Variants in ZNF107 observed in about 807,000 individuals in gnomAD.
The protein encoded by ZNF107 is zinc finger protein 107, also known as C2H2 type zinc-finger protein.
ZNF107 carries 19 observed loss-of-function variants against 12.3 expected under a neutral mutation model. The ratio of observed to expected loss-of-function variants is 1.55; its 90% CI spans 1.08 to 2.27. The LOEUF (loss-of-function observed/expected upper bound fraction) is 2.27. Among genes scored for constraint, ZNF107 ranks in the 30% most tolerant of loss-of-function variants. ZNF107 has a pLI of 0.00. For missense variants in ZNF107, 958 were observed against 979.9 expected (o/e 0.98, Z 0.30); for synonymous variants, 317 against 330.5 (o/e 0.96, Z 0.44).
intron 1 of ZNF107, among the ~76,000 whole-genome samples, chr7:64,670,002 C>T (rs1789162313): frequency 6.6e-6 from 1 of 152,142 alleles, no homozygotes; most frequent in Admixed American, 6.5e-5. Flanking sequence ...CTCCCCTGCT[C>T]ACCCCAGCCA....
At chr7:64,669,015 T>G (rs1248209069) in intron 1 of ZNF107, 1 of 123,906 alleles carries the variant, frequency 8.1e-6, no homozygotes, top group Non-Finnish European at 1.7e-5. Flanking sequence ...TTTTTTTTTT[T>G]TTTTTTTTTT....
At chr7:64,704,692 C>T (rs577800126) in intron 3 of ZNF107, among the ~76,000 whole-genome samples, 17 of 152,048 alleles carry the variant, frequency 1.1e-4, no homozygotes, top group Non-Finnish European at 1.8e-4. Flanking sequence ...TTATTTATTT[C>T]GAGATGGAGT....
In ZNF107 at chr7:64,711,055, T is replaced by C. The variant is rs1445012862; in HGVS notation, c.*2399T>C. The C allele has an allele frequency of 6.6e-6, 1 of 152,168 alleles. No homozygotes were observed. The highest frequency in any genetic ancestry group is 2.4e-5 in the African/African-American group (1 of 41,460). The allele number at this position is 152,168 out of a possible 1,614,324, so 9.4% of individuals were successfully genotyped here. On this transcript the variant is annotated 3_prime_UTR_variant, in exon 4 of 4. Coordinates refer to ENST00000620827, the MANE Select transcript of ZNF107 (RefSeq NM_001282359.2). Reference sequence around the variant, plus strand: ...TTGGATTATGCGTGAACTTAGTTTTTTAATTAAACTTTTTTTAACATGTTA... The same window carrying C: ...TTGGATTATGCGTGAACTTAGTTTTCTAATTAAACTTTTTTTAACATGTTA...
At chr7:64,703,925 GT>G (rs1790556451) in intron 3 of ZNF107, among the ~76,000 whole-genome samples, 1 of 148,616 alleles carries the variant, frequency 6.7e-6, no homozygotes, top group African/African-American at 2.5e-5. Context: ...TTCTTATTTG[GT>G]TTTGTATATC....
In ZNF107 at chr7:64,708,903, T is replaced by A; in HGVS notation, c.*247T>A. On this transcript the variant is annotated 3_prime_UTR_variant, in exon 4 of 4. Transcript: ENST00000620827. ...CAAATGTGAAAAATGTGGCAAATCCTTTAACTGATCCTCAACTTTTACTAA... is the reference window on the plus strand; with the variant it reads ...CAAATGTGAAAAATGTGGCAAATCCATTAACTGATCCTCAACTTTTACTAA... 1.7e-6 allele frequency: 1 copy of A among 582,584 alleles called. No individual in the cohort carries two copies. The highest frequency in any genetic ancestry group is 3.1e-6 in the Non-Finnish European group (1 of 324,908). 36.1% of individuals were successfully genotyped at this position (582,584 alleles called of 1,614,324 possible).
At chr7:64,690,891 G>A (rs1790094727) in intron 1 of ZNF107, among the ~76,000 whole-genome samples, 1 of 152,060 alleles carries the variant, frequency 6.6e-6, no homozygotes, top group African/African-American at 2.4e-5. Context: ...ACAGACATGT[G>A]CCACTGCACC....
At chr7:64,676,843 C>T (rs892442325) in intron 1 of ZNF107, among the ~76,000 whole-genome samples, 1 of 152,114 alleles carries the variant, frequency 6.6e-6, no homozygotes, top group Non-Finnish European at 1.5e-5. Context: ...TGTTCCTCTG[C>T]CCCATTTTGT....
At chr7:64,673,671 T>C (rs921527466) in intron 1 of ZNF107, among the ~76,000 whole-genome samples, 3 of 152,276 alleles carry the variant, frequency 2.0e-5, no homozygotes, top group African/African-American at 7.2e-5. Flanking sequence ...TGGTATTTCC[T>C]AGGTTAGTCT....
At chr7:64,678,825 A>C (rs1479457970) in intron 1 of ZNF107, 1 of 152,158 alleles carries the variant, frequency 6.6e-6, no homozygotes, top group Non-Finnish European at 1.5e-5. Context: ...CTAAATTGGA[A>C]TGCTGCTATT....
chr7:64,670,395 G>T (rs9638385), intron 1 of ZNF107, among the ~76,000 whole-genome samples: 7,283 of 152,114 alleles, frequency 0.048, 465 homozygotes, highest in African/African-American at 0.14. Context: ...AAGTCATCAA[G>T]TCTTTAGGAG....
chr7:64,706,293 T>A (rs769477524), intron 3 of ZNF107, 31 bp from the exon 4 acceptor site: 1 of 1,488,348 alleles, frequency 6.7e-7, no homozygotes, highest in South Asian at 1.5e-5. Context: ...GTCTAGCAAG[T>A]GGAGTAATTT....
At chr7:64,683,851 C>T (rs1268256697) in intron 1 of ZNF107, among the ~76,000 whole-genome samples, 1 of 152,138 alleles carries the variant, frequency 6.6e-6, no homozygotes, top group Non-Finnish European at 1.5e-5. Context: ...AATATAAGTA[C>T]CTCCTAGTTT....
chr7:64,709,240 C>T lies in ZNF107; in HGVS notation c.*584C>T. On this transcript the variant is annotated 3_prime_UTR_variant, in exon 4 of 4. Transcript: ENST00000620827. Reference sequence around the variant, plus strand: ...GTGAAGTCTGTGGCAAAGCTTTTAACTGATTCTCAACTCTTACTACATGTA... The same window carrying T: ...GTGAAGTCTGTGGCAAAGCTTTTAATTGATTCTCAACTCTTACTACATGTA... 2.6e-6 allele frequency: 1 copy of T among 386,772 alleles called. No individual in the cohort carries two copies. Among genetic ancestry groups the T allele is most frequent in the Non-Finnish European group, 5.1e-6 (1 of 194,774 alleles). 24.0% of individuals were successfully genotyped at this position (386,772 alleles called of 1,614,324 possible). A position where few individuals can be genotyped will look rare whatever the true frequency, so the allele number is the denominator to read the frequency against.
At chr7:64,701,507 G>A (rs1790476421) in intron 3 of ZNF107, among the ~76,000 whole-genome samples, 1 of 151,758 alleles carries the variant, frequency 6.6e-6, no homozygotes. Flanking sequence ...CAAAGTACTG[G>A]GATTACAAGT....
At chr7:64,668,442 C>T (rs1472712032) in intron 1 of ZNF107, among the ~76,000 whole-genome samples, 1 of 151,132 alleles carries the variant, frequency 6.6e-6, no homozygotes, top group Admixed American at 6.6e-5. Flanking sequence ...CGATGGTTTC[C>T]AGCTTTATCC....
intron 3 of ZNF107, among the ~76,000 whole-genome samples, chr7:64,697,279 C>T (rs572489141): frequency 5.6e-4 from 86 of 152,306 alleles, no homozygotes; most frequent in Non-Finnish European, 1.1e-3. Flanking sequence ...AATAAACATA[C>T]ATGTGCATGT....
chr7:64,676,793 G>A (rs1050150780), intron 1 of ZNF107, among the ~76,000 whole-genome samples: 27 of 151,996 alleles, frequency 1.8e-4, no homozygotes, highest in Admixed American at 1.0e-3. Context: ...TAGTTTATAG[G>A]TTCAGTCACT....
At chr7:64,691,409 C>A in intron 2 of ZNF107, 35 bp downstream of exon 2, 1 of 1,377,178 alleles carries the variant, frequency 7.3e-7, no homozygotes, top group Non-Finnish European at 9.4e-7. Flanking sequence ...TCCCAAAATA[C>A]CCTTAAAGTT....
Position 64,709,064 on chromosome 7 carries a change from C to G in ZNF107, c.*408C>G, listed in dbSNP as rs137937499. 2.2e-6 allele frequency: 1 copy of G among 459,238 alleles called. No homozygotes were observed. The highest frequency in any genetic ancestry group is 2.0e-5 in the African/African-American group (1 of 49,706). The allele number at this position is 459,238 out of a possible 1,614,324, so 28.4% of individuals were successfully genotyped here. A position where few individuals can be genotyped will look rare whatever the true frequency, so the allele number is the denominator to read the frequency against. On this transcript the variant is annotated 3_prime_UTR_variant, in exon 4 of 4. Coordinates refer to ENST00000620827, the MANE Select transcript of ZNF107 (RefSeq NM_001282359.2). ...AACTCTATAGTTGTGAAGAATGTGGCAAAGCTTTTAACCAATCCTCATACC... is the reference window on the plus strand; with the variant it reads ...AACTCTATAGTTGTGAAGAATGTGGGAAAGCTTTTAACCAATCCTCATACC...
Sources: allele counts gnomAD v4.1 joint callset (sites outside exome capture counted in the v4.1 genomes callset), GRCh38; gene constraint gnomAD v4.1.1; transcripts MANE v1.5; gene names NCBI Gene and HGNC (gene_info 2026-07-23, HGNC 2026-07-21).